The following CREB1 variants were observed in gnomAD, a reference collection of about 807,000 sequenced individuals.
The protein encoded by CREB1 is cyclic AMP-responsive element-binding protein 1.
In CREB1, 2 loss-of-function variants were observed where a neutral mutation model predicts 42.0. The observed-to-expected ratio is 0.05, with a 90% CI of 0.02 to 0.15. The LOEUF (loss-of-function observed/expected upper bound fraction) is 0.15. CREB1 is among the 10% of genes least tolerant of loss of function. CREB1 has a pLI of 1.00. For synonymous variants in CREB1, 123 were observed against 139.9 expected, an observed-to-expected ratio of 0.88 and a Z score of 0.85; for missense variants, 199 against 388.9, an observed-to-expected ratio of 0.51 and a Z score of 4.11.
intron 7 of CREB1, among the ~76,000 whole-genome samples, chr2:207,591,596 C>CT (rs1484411659): frequency 6.6e-6 from 1 of 152,098 alleles, no homozygotes; most frequent in African/African-American, 2.4e-5. Flanking sequence ...CCACACCCAG[C>CT]TAATTTTTGT....
Position 207,586,343 on chromosome 2 carries a change from G to A in CREB1, c.839+8688G>A, listed in dbSNP as rs771779705. On this transcript the variant is annotated intron_variant, in intron 7 of 7. Transcript: ENST00000353267. ...GAAAGGACACTCTCTTCAATCAATGGTATTGGGAAACCTGGATATCTGTGT... is the reference window on the plus strand; with the variant it reads ...GAAAGGACACTCTCTTCAATCAATGATATTGGGAAACCTGGATATCTGTGT... Among the ~76,000 whole-genome samples the A allele has an allele frequency of 2.6e-5, 4 of 152,150 alleles. No individual in the cohort carries two copies. In the East Asian group the frequency reaches 5.8e-4, roughly 22 times the overall value.
intron 2 of CREB1, among the ~76,000 whole-genome samples, chr2:207,556,497 A>G (rs942210998): frequency 6.6e-6 from 1 of 152,194 alleles, no homozygotes; most frequent in African/African-American, 2.4e-5. Flanking sequence ...ATGTAGCTTC[A>G]GTTTCTCCAA....
chr2:207,572,832 G>A (rs1390606330), intron 5 of CREB1, among the ~76,000 whole-genome samples: 2 of 151,792 alleles, frequency 1.3e-5, no homozygotes, highest in Non-Finnish European at 1.5e-5. Context: ...AAAAAAGAGT[G>A]GAATTATCAA....
At chr2:207,539,298 C>A (rs1195949845) in intron 1 of CREB1, among the ~76,000 whole-genome samples, 1 of 151,026 alleles carries the variant, frequency 6.6e-6, no homozygotes, top group Non-Finnish European at 1.5e-5. Flanking sequence ...ATGTGATCTG[C>A]CTGCCTCAGC....
chr2:207,533,500 T>TAA (rs1161116680), intron 1 of CREB1, among the ~76,000 whole-genome samples: 3 of 152,220 alleles, frequency 2.0e-5, no homozygotes, highest in Non-Finnish European at 1.5e-5. Flanking sequence ...ACCTAATGCT[T>TAA]ACAATATATT....
intron 1 of CREB1, among the ~76,000 whole-genome samples, chr2:207,537,350 G>T (rs1463900406): frequency 6.6e-6 from 1 of 152,072 alleles, no homozygotes; most frequent in Non-Finnish European, 1.5e-5. Context: ...CAAAGTGCTT[G>T]TCTTTACATA....
At chr2:207,573,191 C>A (rs965781534) in intron 5 of CREB1, among the ~76,000 whole-genome samples, 1 of 152,122 alleles carries the variant, frequency 6.6e-6, no homozygotes, top group Non-Finnish European at 1.5e-5. Context: ...AGGATACATC[C>A]GTTACTTGAC....
At chr2:207,536,584 A>G (rs1474469839) in intron 1 of CREB1, among the ~76,000 whole-genome samples, 1 of 152,158 alleles carries the variant, frequency 6.6e-6, no homozygotes, top group Non-Finnish European at 1.5e-5. Context: ...GTCATGGTAT[A>G]TTTCGTTTTT....
chr2:207,588,384 A>G (rs1165806548), intron 7 of CREB1, among the ~76,000 whole-genome samples: 3 of 152,100 alleles, frequency 2.0e-5, no homozygotes, highest in Non-Finnish European at 4.4e-5. Flanking sequence ...ATATCTTTCC[A>G]TTGATCTTTG....
intron 2 of CREB1, among the ~76,000 whole-genome samples, chr2:207,556,873 A>C (rs2081745873): frequency 6.6e-6 from 1 of 152,196 alleles, no homozygotes; most frequent in Non-Finnish European, 1.5e-5. Flanking sequence ...GCTGTGGCTC[A>C]CGCCTATAAT....
Position 207,597,214 on chromosome 2 carries a change from TGCA to T in CREB1, c.*157_*159del. ...ACAGAATTTCATTCATTTGTGCTTT[TGCA>T]TTAAACTGTGAATGTTCCAACACCT... On this transcript the variant is annotated 3_prime_UTR_variant, in exon 8 of 8. Transcript: ENST00000353267. The T allele has an allele frequency of 2.6e-6, 2 of 767,270 alleles. No homozygotes were observed. The highest frequency in any genetic ancestry group is 2.3e-5 in the South Asian group (1 of 44,148). 47.5% of individuals were successfully genotyped at this position (767,270 alleles called of 1,614,324 possible). A position where few individuals can be genotyped will look rare whatever the true frequency, so the allele number is the denominator to read the frequency against.
chr2:207,579,666 C>T (rs901912248), intron 7 of CREB1, among the ~76,000 whole-genome samples: 1 of 152,130 alleles, frequency 6.6e-6, no homozygotes, highest in African/African-American at 2.4e-5. Flanking sequence ...GATATAGTTA[C>T]CCTACTCTTT....
chr2:207,546,690 C>A (rs543440815), intron 1 of CREB1, among the ~76,000 whole-genome samples: 4 of 151,690 alleles, frequency 2.6e-5, no homozygotes, highest in African/African-American at 9.7e-5. Flanking sequence ...TCATGCCACT[C>A]ACTGCATTCC....
intron 7 of CREB1, among the ~76,000 whole-genome samples, chr2:207,587,261 C>T (rs1054795502): frequency 6.6e-6 from 1 of 151,814 alleles, no homozygotes; most frequent in Non-Finnish European, 1.5e-5. Context: ...GGCATGGTGG[C>T]GGGTGCCTGT....
In CREB1 at chr2:207,602,350, T is replaced by C. The variant is rs960835014; in HGVS notation, c.*5292T>C. 16 of 201,484 alleles carry C rather than the reference T, an allele frequency of 7.9e-5. No homozygotes were observed. The highest frequency in any genetic ancestry group is 3.7e-4 in the African/African-American group (16 of 43,518). The allele number at this position is 201,484 out of a possible 1,614,324, so 12.5% of individuals were successfully genotyped here. ...CTGACCTGTCTGCATTCTGGTACGG[T>C]GGGTGCAGGTCCCAGCTGGGTATGA... On this transcript the variant is annotated 3_prime_UTR_variant, in exon 8 of 8. Transcript: ENST00000353267.
chr2:207,577,846 G>A lies in CREB1; in HGVS notation c.839+191G>A, dbSNP rs1025398576. ...TTATAAGATAGCTGTATGATTATGG[G>A]TCAATCTTTGATCGTGGAGTAGTTT... is the stretch of plus-strand genomic sequence containing the variant. On this transcript the variant is annotated intron_variant, in intron 7 of 7. Transcript: ENST00000353267. 12 of 610,088 alleles carry A rather than the reference G, an allele frequency of 2.0e-5. No homozygotes were observed. The East Asian group carries it at 3.4e-4, about 17-fold the overall frequency. 37.8% of individuals were successfully genotyped at this position (610,088 alleles called of 1,614,324 possible). A position where few individuals can be genotyped will look rare whatever the true frequency, so the allele number is the denominator to read the frequency against.
intron 1 of CREB1, among the ~76,000 whole-genome samples, chr2:207,530,970 C>CTTT (rs777124719): frequency 7.4e-6 from 1 of 135,188 alleles, no homozygotes; most frequent in Non-Finnish European, 1.6e-5. Context: ...CACCCCTTTG[C>CTTT]TTTTTTTTTT....
chr2:207,555,589 G>A, intron 1 of CREB1, 39 bp from the exon 2 acceptor site: 1 of 1,328,824 alleles, frequency 7.5e-7, no homozygotes, highest in Non-Finnish European at 1.1e-6. Flanking sequence ...AAAGCACAAA[G>A]CACTGTGGTG....
chr2:207,551,422 T>C (rs911867841), intron 1 of CREB1, among the ~76,000 whole-genome samples: 7 of 152,214 alleles, frequency 4.6e-5, no homozygotes, highest in Non-Finnish European at 1.0e-4. Flanking sequence ...TTAATAACTC[T>C]AACGACAGTT....
Sources: allele counts gnomAD v4.1 joint callset (sites outside exome capture counted in the v4.1 genomes callset), GRCh38; gene constraint gnomAD v4.1.1; transcripts MANE v1.5; gene names NCBI Gene and HGNC (gene_info 2026-07-23, HGNC 2026-07-21).